SLC2A13: variants seen among roughly 807,000 people sequenced by gnomAD.
The protein encoded by SLC2A13 is proton myo-inositol cotransporter.
In SLC2A13, 32 loss-of-function variants were observed where a neutral mutation model predicts 64.4. That is an observed-to-expected ratio of 0.50 (90% confidence interval 0.37 to 0.67). SLC2A13 has a LOEUF of 0.67. Among genes scored for constraint, SLC2A13 ranks in the 30% least tolerant of loss-of-function variants. SLC2A13 has a pLI of 0.00. For missense variants in SLC2A13, 743 were observed against 829.2 expected, an observed-to-expected ratio of 0.90 and a Z score of 1.28; for synonymous variants, 338 against 327.1, an observed-to-expected ratio of 1.03 and a Z score of -0.36.
intron 7 of SLC2A13, among the ~76,000 whole-genome samples, chr12:39,788,355 T>G (rs979431121): frequency 6.6e-6 from 1 of 152,148 alleles, no homozygotes; most frequent in Admixed American, 6.6e-5. Context: ...AAGGGTTACT[T>G]GAACACAGTG....
rs531469730 is a variant in SLC2A13, at chr12:39,966,317, C to T, written c.926-14952G>A. Among the ~76,000 whole-genome samples the T allele has an allele frequency of 2.6e-5, 4 of 152,082 alleles. No individual in the cohort carries two copies. The South Asian group carries it at 8.3e-4, about 32-fold the overall frequency. The stretch of plus-strand genomic sequence containing the variant: ...AATCCCCTTTTCTGGCCCTTCTCCA[C>T]CCCGATTTTGATAAGGGAAGTGAGG... On this transcript the variant is annotated intron_variant, in intron 3 of 9. Coordinates refer to ENST00000280871, the MANE Select transcript of SLC2A13 (RefSeq NM_052885.4).
At chr12:39,820,272 G>T (rs1804528712) in intron 7 of SLC2A13, among the ~76,000 whole-genome samples, 1 of 152,170 alleles carries the variant, frequency 6.6e-6, no homozygotes, top group Non-Finnish European at 1.5e-5. Context: ...GGCAAGTGAA[G>T]ACAGAGTGAA....
At chr12:39,832,444 G>A (rs1431392065) in intron 6 of SLC2A13, among the ~76,000 whole-genome samples, 1 of 151,948 alleles carries the variant, frequency 6.6e-6, no homozygotes, top group Non-Finnish European at 1.5e-5. Context: ...AATGATAAAG[G>A]CTAATAATTA....
intron 1 of SLC2A13, among the ~76,000 whole-genome samples, chr12:40,079,311 T>G (rs1272214816): frequency 6.6e-6 from 1 of 152,224 alleles, no homozygotes; most frequent in Non-Finnish European, 1.5e-5. Flanking sequence ...TCAGGTGAGT[T>G]GTATCTGTTT....
At chr12:39,936,662 G>A (rs1201923503) in intron 4 of SLC2A13, among the ~76,000 whole-genome samples, 1 of 152,156 alleles carries the variant, frequency 6.6e-6, no homozygotes, top group Admixed American at 6.6e-5. Flanking sequence ...AGAGATATTA[G>A]GGATATAAAA....
intron 6 of SLC2A13, among the ~76,000 whole-genome samples, chr12:39,859,481 C>T (rs1943700362): frequency 2.6e-5 from 4 of 151,962 alleles, no homozygotes; most frequent in African/African-American, 9.7e-5. Flanking sequence ...CTTTAAGTAC[C>T]TCTGCAGATG....
At chr12:40,070,853 T>C (rs1300899939) in intron 1 of SLC2A13, among the ~76,000 whole-genome samples, 1 of 152,216 alleles carries the variant, frequency 6.6e-6, no homozygotes, top group Admixed American at 6.5e-5. Context: ...TTTGGCGTTT[T>C]TGTCAAAGCA....
At chr12:40,087,162 T>C (rs949720624) in intron 1 of SLC2A13, among the ~76,000 whole-genome samples, 3 of 152,200 alleles carry the variant, frequency 2.0e-5, no homozygotes, top group African/African-American at 7.2e-5. Flanking sequence ...TCAGAAAGGA[T>C]CCTTCAAAGT....
At chr12:39,970,856 A>C (rs997892084) in intron 3 of SLC2A13, among the ~76,000 whole-genome samples, 1 of 152,192 alleles carries the variant, frequency 6.6e-6, no homozygotes, top group Non-Finnish European at 1.5e-5. Flanking sequence ...GTAAAAAACT[A>C]TATAGATGCC....
At chr12:39,914,727 C>T (rs1945494626) in intron 4 of SLC2A13, among the ~76,000 whole-genome samples, 2 of 151,736 alleles carry the variant, frequency 1.3e-5, no homozygotes, top group African/African-American at 4.8e-5. Context: ...AAATGATAGA[C>T]TATTTATTAA....
intron 7 of SLC2A13, among the ~76,000 whole-genome samples, chr12:39,780,550 A>G (rs903454881): frequency 6.6e-6 from 1 of 152,234 alleles, no homozygotes; most frequent in South Asian, 2.1e-4. Flanking sequence ...TGTGTCCTGT[A>G]TATTCTCTTT....
intron 3 of SLC2A13, among the ~76,000 whole-genome samples, chr12:40,013,318 A>C (rs1474891783): frequency 6.6e-6 from 1 of 152,222 alleles, no homozygotes; most frequent in African/African-American, 2.4e-5. Context: ...CATGTCTAAA[A>C]ATATTATTGA....
At position 40,028,522 on chromosome 12, in the gene SLC2A13, A is replaced by G. The variant is rs1592020716; in HGVS notation, c.717-13T>C. On this transcript the variant is annotated splice_polypyrimidine_tract_variant and intron_variant, in intron 2 of 9. Transcript: ENST00000280871. The stretch of plus-strand genomic sequence containing the variant: ...TCCCAACATGTACCTGCAAAGAAAA[A>G]AAATCCACATTTACTGTAAAATTTG... 1 of 1,611,600 alleles carries G rather than the reference A, an allele frequency of 6.2e-7. No homozygotes were observed. The highest frequency in any genetic ancestry group is 1.1e-5 in the South Asian group (1 of 90,638).
intron 4 of SLC2A13, among the ~76,000 whole-genome samples, chr12:39,922,303 T>C (rs1945628010): frequency 1.3e-5 from 2 of 152,218 alleles, no homozygotes; most frequent in Admixed American, 6.5e-5. Context: ...GTCCCTGTGG[T>C]TCCAGAAGAT....
intron 2 of SLC2A13, among the ~76,000 whole-genome samples, chr12:40,042,615 GCTAA>G (rs1245336655): frequency 7.9e-5 from 12 of 151,928 alleles, no homozygotes; most frequent in African/African-American, 7.3e-5. Context: ...ATCTTTTTAT[GCTAA>G]CTAAGAGTCC....
At chr12:39,958,575 A>ATCCTCC (rs1477571942) in intron 3 of SLC2A13, among the ~76,000 whole-genome samples, 2 of 152,114 alleles carry the variant, frequency 1.3e-5, no homozygotes, top group Non-Finnish European at 2.9e-5. Flanking sequence ...CTGTTGGCTA[A>ATCCTCC]AGCACCCCAC....
intron 3 of SLC2A13, among the ~76,000 whole-genome samples, chr12:40,027,428 AG>A (rs1304914009): frequency 1.3e-5 from 2 of 152,334 alleles, no homozygotes; most frequent in East Asian, 3.9e-4. Context: ...AGTTAAATCA[AG>A]CCACGTGTGG....
intron 1 of SLC2A13, among the ~76,000 whole-genome samples, chr12:40,083,340 T>C (rs896674423): frequency 2.0e-5 from 3 of 152,166 alleles, no homozygotes; most frequent in African/African-American, 7.2e-5. Flanking sequence ...AAAACCAGGA[T>C]TTTCTCTTAG....
intron 3 of SLC2A13, among the ~76,000 whole-genome samples, chr12:40,011,625 G>A (rs901653677): frequency 1.1e-4 from 16 of 152,204 alleles, no homozygotes; most frequent in African/African-American, 3.9e-4. Context: ...CCAATAGGTC[G>A]TTTTTCAACC....
Sources: allele counts gnomAD v4.1 joint callset (sites outside exome capture counted in the v4.1 genomes callset), GRCh38; gene constraint gnomAD v4.1.1; transcripts MANE v1.5; gene names NCBI Gene and HGNC (gene_info 2026-07-23, HGNC 2026-07-21).